GID4: variants seen among roughly 807,000 people sequenced by gnomAD.
The protein encoded by GID4 is glucose-induced degradation protein 4 homolog.
A neutral mutation model predicts 32.4 loss-of-function variants in GID4; 7 were observed. The ratio of observed to expected loss-of-function variants is 0.22; its 90% CI spans 0.12 to 0.41. GID4 has a LOEUF of 0.41. GID4 is among the 10% of genes least tolerant of loss of function. The probability of loss-of-function intolerance (pLI) is 1.00; values close to 1 mark genes in which losing one functional copy is unlikely to be tolerated. For synonymous variants in GID4, 166 were observed against 170.0 expected (o/e 0.98, Z 0.18); for missense variants, 309 against 400.0 (o/e 0.77, Z 1.94).
chr17:18,065,708 C>T lies in GID4; in HGVS notation c.*465C>T, dbSNP rs779385920. On this transcript the variant is annotated 3_prime_UTR_variant, in exon 6 of 6. Transcript: ENST00000268719. ...AGAGCCCCAGCACCTCTGTGCCCCC[C>T]AGAGCTCTGTGCAGGGAGTTGGCCA... is the stretch of plus-strand genomic sequence containing the variant. The T allele has an allele frequency of 7.0e-5, 16 of 227,732 alleles. No homozygotes were observed. Among genetic ancestry groups the T allele is most frequent in the Non-Finnish European group, 1.1e-4 (13 of 113,426 alleles). The allele number at this position is 227,732 out of a possible 1,614,324, so 14.1% of individuals were successfully genotyped here. A position where few individuals can be genotyped will look rare whatever the true frequency, so the allele number is the denominator to read the frequency against.
intron 5 of GID4, among the ~76,000 whole-genome samples, chr17:18,063,855 G>C (rs1391940774): frequency 2.0e-5 from 3 of 152,092 alleles, no homozygotes; most frequent in Admixed American, 2.0e-4. Context: ...CAATTCTCCT[G>C]CCTCAGCCTC....
Position 18,066,991 on chromosome 17 carries a change from C to A in GID4, c.*1748C>A. On this transcript the variant is annotated 3_prime_UTR_variant, in exon 6 of 6. Transcript: ENST00000268719. Reference sequence around the variant, plus strand: ...ACTTAAAGGGAAAAATAATTCATTCCCAGAGATGAGTCAGAACAGTCTCCT... The same window carrying A: ...ACTTAAAGGGAAAAATAATTCATTCACAGAGATGAGTCAGAACAGTCTCCT... The A allele has an allele frequency of 6.6e-6, 1 of 152,282 alleles. No individual in the cohort carries two copies. 9.4% of individuals were successfully genotyped at this position (152,282 alleles called of 1,614,324 possible). A position where few individuals can be genotyped will look rare whatever the true frequency, so the allele number is the denominator to read the frequency against.
At chr17:18,054,379 G>T (rs1041981745) in intron 3 of GID4, 145 bp downstream of exon 3, 2 of 530,344 alleles carry the variant, frequency 3.8e-6, no homozygotes, top group African/African-American at 1.9e-5. Context: ...GACCTCAGTT[G>T]TTCCATCTTC....
intron 2 of GID4, among the ~76,000 whole-genome samples, chr17:18,052,531 T>G (rs2044922438): frequency 2.0e-5 from 3 of 152,224 alleles, no homozygotes. Context: ...ATGTTAGGAC[T>G]GTAATCTGTG....
intron 1 of GID4, among the ~76,000 whole-genome samples, chr17:18,042,968 G>A (rs1597688460): frequency 6.6e-6 from 1 of 152,232 alleles, no homozygotes; most frequent in Middle Eastern, 3.4e-3. Flanking sequence ...CTAGTGTAAA[G>A]AGTTCCTCAA....
At chr17:18,048,430 A>T (rs192242805) in intron 2 of GID4, among the ~76,000 whole-genome samples, 77 of 152,184 alleles carry the variant, frequency 5.1e-4, no homozygotes, top group Admixed American at 1.3e-3. Context: ...CTGACCTCAA[A>T]TGTCCACCCT....
At chr17:18,045,008 CAG>C in intron 1 of GID4, 137 bp from the exon 2 acceptor site, 1 of 569,480 alleles carries the variant, frequency 1.8e-6, no homozygotes, top group Non-Finnish European at 3.2e-6. Context: ...ATCAAGATTC[CAG>C]AGACTGGGTG....
rs369010209 is a variant in GID4 at position 18,045,248 on chromosome 17, G to T, written c.498+42G>T. ...ACAAACCAGCACTAGAAAGTCTGTG[G>T]TGTGCTCCACAGGCTCATTGGGGTT... On this transcript the variant is annotated intron_variant, in intron 2 of 5. Coordinates refer to ENST00000268719, the MANE Select transcript of GID4 (RefSeq NM_024052.5). 6.2e-4 allele frequency: 957 copies of T among 1,537,850 alleles called. 2 individuals are homozygous for T. Among genetic ancestry groups the T allele is most frequent in the Non-Finnish European group, 8.2e-4 (910 of 1,111,670 alleles).
chr17:18,061,726 G>C lies in GID4; in HGVS notation c.709-119G>C. Reference sequence around the variant, plus strand: ...GCCATCACCCAGCAAGTCTAGGTTAGACTATGAGATCCTATATTTTTCTCG... The same window carrying C: ...GCCATCACCCAGCAAGTCTAGGTTACACTATGAGATCCTATATTTTTCTCG... On this transcript the variant is annotated intron_variant, in intron 4 of 5. Transcript: ENST00000268719. This position sits in a 1 kb window ranked among gnomAD's most constrained non-coding sequence, Gnocchi z 4.4. 1.0e-6 allele frequency: 1 copy of C among 959,312 alleles called. No homozygotes were observed. Among genetic ancestry groups the C allele is most frequent in the Non-Finnish European group, 1.6e-6 (1 of 618,152 alleles). The allele number at this position is 959,312 out of a possible 1,614,324, so 59.4% of individuals were successfully genotyped here.
intron 5 of GID4, among the ~76,000 whole-genome samples, chr17:18,063,391 C>T (rs1450176941): frequency 6.6e-6 from 1 of 152,072 alleles, no homozygotes; most frequent in Non-Finnish European, 1.5e-5. Flanking sequence ...GCCTGGGCGA[C>T]AGAGTGAGAC....
In GID4 at chr17:18,061,521, G is replaced by A. The variant is rs2045017634; in HGVS notation, c.709-324G>A. ...TTGTCTGTGGTCTCTGAAAGATAGA[G>A]AGGCAGGCAGACAGGCAGGTGAGTA... On this transcript the variant is annotated intron_variant, in intron 4 of 5. Coordinates refer to ENST00000268719, the MANE Select transcript of GID4 (RefSeq NM_024052.5). The surrounding 1 kb of genome is among the most constrained non-coding windows in gnomAD (Gnocchi z 4.4). Among the ~76,000 whole-genome samples the A allele has an allele frequency of 6.6e-6, 1 of 152,220 alleles. No homozygotes were observed. The highest frequency in any genetic ancestry group is 2.1e-4 in the South Asian group (1 of 4,818).
At chr17:18,055,331 C>T (rs752404906) in intron 3 of GID4, among the ~76,000 whole-genome samples, 11 of 152,144 alleles carry the variant, frequency 7.2e-5, no homozygotes, top group Non-Finnish European at 1.5e-4. Context: ...TTCTAGAACT[C>T]GTTCTTCCCA....
intron 2 of GID4, among the ~76,000 whole-genome samples, chr17:18,053,596 G>A (rs747368207): frequency 2.0e-5 from 3 of 151,956 alleles, no homozygotes; most frequent in Non-Finnish European, 2.9e-5. Flanking sequence ...CAGCCTGGGC[G>A]ACAGAGCAAG....
chr17:18,065,090 GGGTGCTCTGCT>G, intron 5 of GID4, 79 bp from the exon 6 acceptor site: 1 of 885,392 alleles, frequency 1.1e-6, no homozygotes, highest in Non-Finnish European at 1.9e-6. Flanking sequence ...GTGACTTGTT[GGGTGCTCTGCT>G]TTTTGAGGGG....
intron 2 of GID4, among the ~76,000 whole-genome samples, chr17:18,049,016 G>A (rs1038467659): frequency 6.6e-5 from 10 of 151,602 alleles, no homozygotes; most frequent in South Asian, 2.1e-4. Flanking sequence ...CCTTCCTCAC[G>A]TATACAGTAT....
At chr17:18,052,029 G>A (rs1297566970) in intron 2 of GID4, among the ~76,000 whole-genome samples, 4 of 150,764 alleles carry the variant, frequency 2.7e-5, no homozygotes, top group African/African-American at 4.9e-5. Flanking sequence ...AGCCGAGATC[G>A]TGCCACTGCA....
intron 1 of GID4, among the ~76,000 whole-genome samples, chr17:18,040,211 G>A (rs2044779791): frequency 6.6e-6 from 1 of 152,116 alleles, no homozygotes; most frequent in African/African-American, 2.4e-5. Flanking sequence ...AGAAGGCCTG[G>A]GTCCTTCCTC....
intron 3 of GID4, among the ~76,000 whole-genome samples, chr17:18,054,736 A>G (rs2044948225): frequency 6.6e-6 from 1 of 152,188 alleles, no homozygotes; most frequent in Non-Finnish European, 1.5e-5. Context: ...GTCTTGTCTT[A>G]AGTACACCAC....
chr17:18,047,272 C>T (rs2044863546), intron 2 of GID4, among the ~76,000 whole-genome samples: 1 of 152,098 alleles, frequency 6.6e-6, no homozygotes, highest in Non-Finnish European at 1.5e-5. Flanking sequence ...AGAAAAGATA[C>T]TAAAACAGAA....
Sources: allele counts gnomAD v4.1 joint callset (sites outside exome capture counted in the v4.1 genomes callset), GRCh38; gene constraint gnomAD v4.1.1; non-coding constraint Gnocchi (gnomAD v3.1); transcripts MANE v1.5; gene names NCBI Gene and HGNC (gene_info 2026-07-23, HGNC 2026-07-21).